Variants in MEGF10 observed in about 807,000 individuals in gnomAD.
MEGF10 encodes the protein multiple epidermal growth factor-like domains protein 10.
MEGF10 carries 86 observed loss-of-function variants against 147.5 expected under a neutral mutation model. The ratio of observed to expected loss-of-function variants is 0.58; its 90% CI spans 0.49 to 0.70. The LOEUF (loss-of-function observed/expected upper bound fraction) is 0.70, where lower values mean the gene tolerates loss of function less well. MEGF10 is among the 30% of genes least tolerant of loss of function. MEGF10 has a pLI of 0.00. For synonymous variants in MEGF10, 478 were observed against 525.5 expected, an observed-to-expected ratio of 0.91 and a Z score of 1.24; for missense variants, 1,329 against 1,487.3, an observed-to-expected ratio of 0.89 and a Z score of 1.75.
At chr5:127,397,108 G>T (rs534934597) in intron 6 of MEGF10, among the ~76,000 whole-genome samples, 6 of 152,142 alleles carry the variant, frequency 3.9e-5, no homozygotes, top group Non-Finnish European at 7.3e-5. Context: ...ATTCTGTTTG[G>T]ATCTCCCGAG....
the MEGF10 span, among the ~76,000 whole-genome samples, chr5:127,244,196 A>C: frequency 3.1e-5 from 1 of 32,248 alleles, no homozygotes; most frequent in Non-Finnish European, 5.9e-5. Context: ...AACTCTGTCC[A>C]AAAAAAAAAA....
At chr5:127,387,311 C>G (rs1341835161) in intron 5 of MEGF10, among the ~76,000 whole-genome samples, 1 of 152,156 alleles carries the variant, frequency 6.6e-6, no homozygotes, top group Admixed American at 6.5e-5. Context: ...ACTAGATTCT[C>G]TCCATGTGTT....
chr5:127,417,557 A>G (rs184290500), intron 9 of MEGF10, 81 bp from the exon 10 acceptor site: 6 of 1,364,782 alleles, frequency 4.4e-6, no homozygotes, highest in Admixed American at 3.4e-5. Context: ...TTTAGTGATC[A>G]TTGCTAAAGC....
chr5:127,347,122 G>T (rs1439656687), intron 4 of MEGF10, among the ~76,000 whole-genome samples: 2 of 152,012 alleles, frequency 1.3e-5, no homozygotes, highest in African/African-American at 2.4e-5. Context: ...TTGGGTTTTT[G>T]CATTAGGGAT....
chr5:127,396,476 A>C, intron 5 of MEGF10, 56 bp from the exon 6 acceptor site: 2 of 1,476,146 alleles, frequency 1.4e-6, no homozygotes, highest in Non-Finnish European at 1.8e-6. Context: ...CGAGAGGCGA[A>C]GAAATCTGGT....
intron 5 of MEGF10, among the ~76,000 whole-genome samples, chr5:127,390,464 A>G (rs1763603508): frequency 6.6e-6 from 1 of 151,984 alleles, no homozygotes; most frequent in Non-Finnish European, 1.5e-5. Context: ...TAATTTTTGT[A>G]TATTTTTGTA....
At chr5:127,455,256 C>T in intron 23 of MEGF10, 145 bp from the exon 24 acceptor site, 1 of 766,696 alleles carries the variant, frequency 1.3e-6, no homozygotes, top group Non-Finnish European at 2.1e-6. Context: ...CAGATTCTCT[C>T]CAAAACAAGT....
the MEGF10 span, among the ~76,000 whole-genome samples, chr5:127,270,099 G>A: frequency 6.6e-6 from 1 of 152,132 alleles, no homozygotes; most frequent in Non-Finnish European, 1.5e-5. Context: ...ACATGGAAAG[G>A]AACAACCAGT....
chr5:127,435,607 G>T, intron 16 of MEGF10, 118 bp downstream of exon 16: 1 of 985,770 alleles, frequency 1.0e-6, no homozygotes, highest in East Asian at 3.2e-5. Flanking sequence ...CTAATTAAAA[G>T]ACACATTCTA....
Position 127,444,264 on chromosome 5 carries a change from A to C in MEGF10, c.2491+1138A>C, listed in dbSNP as rs574601748. ...TGTAGATGGAGTAATCTTAAACTGCAGACCATGTAAATATTTACAACATTT... is the reference window on the plus strand; with the variant it reads ...TGTAGATGGAGTAATCTTAAACTGCCGACCATGTAAATATTTACAACATTT... On this transcript the variant is annotated intron_variant, in intron 19 of 24. Coordinates refer to ENST00000503335, the MANE Select transcript of MEGF10 (RefSeq NM_001256545.2). The C allele has an allele frequency of 2.0e-5, 3 of 152,370 alleles. No individual in the cohort carries two copies. The East Asian group carries it at 5.8e-4, about 29-fold the overall frequency. 9.4% of individuals were successfully genotyped at this position (152,370 alleles called of 1,614,324 possible). A position where few individuals can be genotyped will look rare whatever the true frequency, so the allele number is the denominator to read the frequency against.
rs115469299 is a variant in MEGF10, at chr5:127,455,129, A to G, written c.3026-272A>G. Among the ~76,000 whole-genome samples, 4,935 of 151,790 alleles carry G rather than the reference A, an allele frequency of 0.033. 81 individuals carry two copies. The highest frequency in any genetic ancestry group is 0.052 in the Middle Eastern group (15 of 288). On this transcript the variant is annotated intron_variant, in intron 23 of 24. Coordinates refer to ENST00000503335, the MANE Select transcript of MEGF10 (RefSeq NM_001256545.2). ...CTGTAAATTTTCTATTAATAAAACA[A>G]AACGTAATTGATTATATTCTAATGT...
chr5:127,281,137 G>T, the MEGF10 span, among the ~76,000 whole-genome samples: 3 of 152,156 alleles, frequency 2.0e-5, no homozygotes, highest in African/African-American at 7.2e-5. Flanking sequence ...GACCAGTTCC[G>T]AGGAATGATT....
intron 1 of MEGF10, among the ~76,000 whole-genome samples, chr5:127,313,749 A>G (rs1376374843): frequency 6.6e-6 from 1 of 152,180 alleles, no homozygotes; most frequent in African/African-American, 2.4e-5. Flanking sequence ...AACCACCCCT[A>G]TATACACCTT....
chr5:127,419,971 T>G, intron 11 of MEGF10, 73 bp from the exon 12 acceptor site: 1 of 1,523,694 alleles, frequency 6.6e-7, no homozygotes, highest in Non-Finnish European at 8.9e-7. Flanking sequence ...AAGAGAAACG[T>G]GGTTTGGAAA....
At chr5:127,310,599 T>G (rs1760247576) in intron 1 of MEGF10, among the ~76,000 whole-genome samples, 1 of 152,182 alleles carries the variant, frequency 6.6e-6, no homozygotes, top group African/African-American at 2.4e-5. Context: ...CTTTTTTACT[T>G]GTTTGGAGAG....
chr5:127,277,726 T>C, the MEGF10 span, among the ~76,000 whole-genome samples: 1 of 152,014 alleles, frequency 6.6e-6, no homozygotes, highest in Non-Finnish European at 1.5e-5. Flanking sequence ...CTGGAGTAGG[T>C]TGGTGAATGT....
intron 16 of MEGF10, among the ~76,000 whole-genome samples, chr5:127,436,112 A>C (rs1407425642): frequency 2.6e-5 from 4 of 152,248 alleles, no homozygotes. Context: ...TTTTGACCAA[A>C]AAATAGCATA....
At chr5:127,233,632 C>T in the MEGF10 span, among the ~76,000 whole-genome samples, 2 of 152,190 alleles carry the variant, frequency 1.3e-5, no homozygotes, top group South Asian at 4.1e-4. Context: ...TAATAGTATT[C>T]ATACTTTATT....
the MEGF10 span, among the ~76,000 whole-genome samples, chr5:127,283,144 T>A: frequency 6.6e-6 from 1 of 152,220 alleles, no homozygotes; most frequent in Non-Finnish European, 1.5e-5. Flanking sequence ...ACAGTATGCA[T>A]TCATATTGCA....
Sources: gnomAD v4.1 joint callset for allele counts (sites outside exome capture counted in the v4.1 genomes callset) on GRCh38, gnomAD v4.1.1 for gene constraint, MANE v1.5 for transcripts, NCBI Gene and HGNC (gene_info 2026-07-23, HGNC 2026-07-21) for gene names.